CTIF: variants seen among roughly 807,000 people sequenced by gnomAD.
CTIF encodes CBP80/20-dependent translation initiation factor.
A neutral mutation model predicts 66.0 loss-of-function variants in CTIF; 21 were observed. The ratio of observed to expected loss-of-function variants is 0.32; its 90% CI spans 0.23 to 0.46. CTIF has a LOEUF of 0.46. CTIF is among the 20% of genes least tolerant of loss of function. The pLI is 1.00. For synonymous variants in CTIF, 345 were observed against 326.4 expected (o/e 1.06, Z -0.62); for missense variants, 739 against 812.7 (o/e 0.91, Z 1.10).
chr18:48,658,082 T>A (rs2091273980), intron 3 of CTIF, among the ~76,000 whole-genome samples: 1 of 152,186 alleles, frequency 6.6e-6, no homozygotes, highest in South Asian at 2.1e-4. Flanking sequence ...CTTCTCTGGC[T>A]TCTTTGGACA....
intron 1 of CTIF, among the ~76,000 whole-genome samples, chr18:48,550,662 T>C (rs2088860923): frequency 6.6e-6 from 1 of 152,144 alleles, no homozygotes; most frequent in Non-Finnish European, 1.5e-5. Context: ...GCTAGAGCAC[T>C]TAGCACTTCC....
chr18:48,556,073 T>G (rs1380347774), intron 1 of CTIF, among the ~76,000 whole-genome samples: 1 of 152,240 alleles, frequency 6.6e-6, no homozygotes, highest in Non-Finnish European at 1.5e-5. Context: ...TTCTAAACAT[T>G]GAGCCTGCAG....
At chr18:48,788,041 T>G (rs1385982034) in intron 9 of CTIF, among the ~76,000 whole-genome samples, 23 of 152,160 alleles carry the variant, frequency 1.5e-4, no homozygotes. Context: ...AAAACACTGC[T>G]CAGGGAGAGC....
intron 6 of CTIF, among the ~76,000 whole-genome samples, chr18:48,681,666 G>T (rs2091744683): frequency 6.6e-6 from 1 of 152,168 alleles, no homozygotes; most frequent in Non-Finnish European, 1.5e-5. Context: ...GAGTCTGTCT[G>T]TGCTCTCAGC....
chr18:48,792,500 G>A (rs2067816088), intron 9 of CTIF, among the ~76,000 whole-genome samples: 1 of 152,200 alleles, frequency 6.6e-6, no homozygotes, highest in African/African-American at 2.4e-5. Context: ...AGTAGATGCA[G>A]GGATACCAGC....
At chr18:48,779,148 T>A (rs1004788641) in intron 9 of CTIF, among the ~76,000 whole-genome samples, 7 of 152,162 alleles carry the variant, frequency 4.6e-5, no homozygotes, top group African/African-American at 1.7e-4. Flanking sequence ...CAACATTGAC[T>A]GGTGTCGCTC....
chr18:48,770,730 C>T (rs556022255), intron 9 of CTIF, among the ~76,000 whole-genome samples: 5 of 152,356 alleles, frequency 3.3e-5, no homozygotes, highest in East Asian at 3.9e-4. Context: ...GCAGTAGCAT[C>T]GATTGCTGCC....
Position 48,761,777 on chromosome 18 carries a change from G to C in CTIF, c.1371+88G>C. 7.5e-7 allele frequency: 1 copy of C among 1,329,774 alleles called. No individual in the cohort carries two copies. Among genetic ancestry groups the C allele is most frequent in the Non-Finnish European group, 1.0e-6 (1 of 967,550 alleles). 82.4% of individuals were successfully genotyped at this position (1,329,774 alleles called of 1,614,324 possible). A position where few individuals can be genotyped will look rare whatever the true frequency, so the allele number is the denominator to read the frequency against. On this transcript the variant is annotated intron_variant, in intron 9 of 11. Coordinates refer to ENST00000256413, the MANE Select transcript of CTIF (RefSeq NM_014772.3). This position sits in a 1 kb window ranked among gnomAD's most constrained non-coding sequence, Gnocchi z 4.2. ...CCTAGCGAGAAGGCTGCGAGTTCTG[G>C]CCACAGTTGGACTTTTCCCAAGTTC...
intron 9 of CTIF, among the ~76,000 whole-genome samples, chr18:48,763,554 C>G (rs534268944): frequency 1.3e-5 from 2 of 152,230 alleles, no homozygotes; most frequent in Admixed American, 6.5e-5. Flanking sequence ...TCTGCATTCC[C>G]CAGTTAAGAA....
chr18:48,704,124 G>C (rs2092120675), intron 6 of CTIF, among the ~76,000 whole-genome samples: 1 of 152,284 alleles, frequency 6.6e-6, no homozygotes, highest in African/African-American at 2.4e-5. Flanking sequence ...GTCTATGGTA[G>C]GGTGGGAGAG....
chr18:48,545,367 A>G (rs1474695002), intron 1 of CTIF, among the ~76,000 whole-genome samples: 3 of 152,176 alleles, frequency 2.0e-5, no homozygotes, highest in Non-Finnish European at 1.5e-5. Context: ...CCAGGCGGCC[A>G]TGGGACTGGT....
At chr18:48,742,160 C>T (rs1206195465) in intron 7 of CTIF, among the ~76,000 whole-genome samples, 5 of 152,220 alleles carry the variant, frequency 3.3e-5, no homozygotes, top group Non-Finnish European at 5.9e-5. Context: ...GGGCTTTTCT[C>T]ATGGGCCAGG....
At chr18:48,857,710 G>A in intron 11 of CTIF, 69 bp downstream of exon 11, 1 of 1,428,182 alleles carries the variant, frequency 7.0e-7, no homozygotes, top group South Asian at 1.4e-5. Context: ...ACAGTTCTAG[G>A]GGCACGAGGG....
At chr18:48,670,957 C>T (rs192668498) in intron 6 of CTIF, among the ~76,000 whole-genome samples, 1 of 152,342 alleles carries the variant, frequency 6.6e-6, no homozygotes, top group African/African-American at 2.4e-5. Context: ...CTCGGTGATG[C>T]TGCAGGCCCT....
chr18:48,796,429 G>T (rs1407681989), intron 9 of CTIF, among the ~76,000 whole-genome samples: 1 of 152,088 alleles, frequency 6.6e-6, no homozygotes, highest in Non-Finnish European at 1.5e-5. Context: ...GCCCGCCTTG[G>T]CCTCCCAAAG....
intron 1 of CTIF, among the ~76,000 whole-genome samples, chr18:48,597,712 A>G (rs544439357): frequency 3.3e-4 from 51 of 152,294 alleles, no homozygotes; most frequent in South Asian, 2.5e-3. Context: ...CCATGAACCA[A>G]TGAAGCCTTT....
chr18:48,670,530 A>G, intron 5 of CTIF, 139 bp from the exon 6 acceptor site: 1 of 699,232 alleles, frequency 1.4e-6, no homozygotes, highest in Non-Finnish European at 2.5e-6. Context: ...TGTTTCCTCT[A>G]GGTGGGACAG....
intron 7 of CTIF, among the ~76,000 whole-genome samples, chr18:48,743,717 A>T (rs908700154): frequency 2.0e-5 from 3 of 152,262 alleles, no homozygotes; most frequent in Admixed American, 6.5e-5. Context: ...TTCCAATAAC[A>T]TATCAATCTA....
rs140457771 is a variant in CTIF, at chr18:48,592,995, T to C, written c.-28-26543T>C. Among the ~76,000 whole-genome samples, 52 of 152,368 alleles carry C rather than the reference T, an allele frequency of 3.4e-4. No homozygotes were observed. In the East Asian group the frequency reaches 7.9e-3, roughly 23 times the overall value. ...GTGGAACCACAGCTGGGCTGGTGTC[T>C]ATACAGCCCATGTCCTGCCTTCAGA... is the stretch of plus-strand genomic sequence containing the variant. On this transcript the variant is annotated intron_variant, in intron 1 of 11. Transcript: ENST00000256413.
Sources: gnomAD v4.1 joint callset for allele counts (sites outside exome capture counted in the v4.1 genomes callset) on GRCh38, gnomAD v4.1.1 for gene constraint, Gnocchi (gnomAD v3.1) non-coding constraint, MANE v1.5 for transcripts, NCBI Gene and HGNC (gene_info 2026-07-23, HGNC 2026-07-21) for gene names.